SUDS3: variants seen among roughly 807,000 people sequenced by gnomAD.
The protein encoded by SUDS3 is SIN3A corepressor complex component SDS3.
SUDS3 carries 23 observed loss-of-function variants against 53.5 expected under a neutral mutation model. That is an observed-to-expected ratio of 0.43 (90% CI 0.31 to 0.61). SUDS3 has a LOEUF of 0.61. Among genes scored for constraint, SUDS3 ranks in the 20% least tolerant of loss-of-function variants. The probability of loss-of-function intolerance (pLI) is 0.10; values close to 1 mark genes in which losing one functional copy is unlikely to be tolerated. For synonymous variants in SUDS3, 150 were observed against 148.5 expected (o/e 1.01, Z -0.08); for missense variants, 291 against 405.9 (o/e 0.72, Z 2.43).
chr12:118,409,299 A>G (rs555965014), intron 10 of SUDS3, among the ~76,000 whole-genome samples: 1 of 151,982 alleles, frequency 6.6e-6, no homozygotes, highest in Admixed American at 6.6e-5. Context: ...GGAGCCTGCC[A>G]CCACTCCCGG....
At chr12:118,409,960 A>T (rs1055924588) in intron 10 of SUDS3, among the ~76,000 whole-genome samples, 1 of 152,250 alleles carries the variant, frequency 6.6e-6, no homozygotes, top group Non-Finnish European at 1.5e-5. Flanking sequence ...TAGATGCAGG[A>T]GTTGAAAGGG....
At chr12:118,411,046 TA>T (rs1162107871) in intron 10 of SUDS3, 26 bp from the exon 11 acceptor site, 1 of 1,582,326 alleles carries the variant, frequency 6.3e-7, no homozygotes, top group Admixed American at 1.8e-5. Context: ...CCTCCCTTTT[TA>T]AAAATGTGTG....
chr12:118,399,774 G>A (rs978607058), intron 6 of SUDS3, among the ~76,000 whole-genome samples: 30 of 152,076 alleles, frequency 2.0e-4, no homozygotes, highest in African/African-American at 7.3e-4. Flanking sequence ...CTGAGATACA[G>A]GAAAAGAAGC....
chr12:118,390,413 G>A (rs571775277), intron 5 of SUDS3, among the ~76,000 whole-genome samples: 1 of 152,322 alleles, frequency 6.6e-6, no homozygotes, highest in South Asian at 2.1e-4. Flanking sequence ...AGAGATGAGG[G>A]CCTGAATCTT....
chr12:118,414,439 T>TAC lies in SUDS3; in HGVS notation c.*8_*9dup, dbSNP rs769095751. The TAC allele has an allele frequency of 6.4e-7, 1 of 1,573,460 alleles. No individual in the cohort carries two copies. Among genetic ancestry groups the TAC allele is most frequent in the Non-Finnish European group, 8.6e-7 (1 of 1,160,890 alleles). ...GCCGGCGCTCAGCTGCTTGACTTTC[T>TAC]ACAGTGCTCTTCTCTTGACCCTTTT... On this transcript the variant is annotated 3_prime_UTR_variant, in exon 12 of 12. Transcript: ENST00000543473.
chr12:118,383,310 G>A (rs1478220640), intron 2 of SUDS3, among the ~76,000 whole-genome samples: 1 of 152,302 alleles, frequency 6.6e-6, no homozygotes, highest in East Asian at 1.9e-4. Flanking sequence ...AAAAATACTT[G>A]CTGAAATGTG....
intron 6 of SUDS3, among the ~76,000 whole-genome samples, chr12:118,392,399 A>T (rs2046175546): frequency 6.6e-6 from 1 of 152,176 alleles, no homozygotes; most frequent in South Asian, 2.1e-4. Flanking sequence ...GATACACTTA[A>T]GAGAATGTGG....
At chr12:118,395,461 C>T (rs1454869878) in intron 6 of SUDS3, among the ~76,000 whole-genome samples, 2 of 151,282 alleles carry the variant, frequency 1.3e-5, no homozygotes, top group Admixed American at 6.6e-5. Flanking sequence ...CTCCTGACCT[C>T]GTGATCTGCC....
intron 10 of SUDS3, among the ~76,000 whole-genome samples, chr12:118,409,020 C>A (rs557763649): frequency 3.9e-5 from 6 of 152,110 alleles, no homozygotes; most frequent in Admixed American, 3.9e-4. Context: ...TTGTACAGTT[C>A]GGCCCTTGTG....
At chr12:118,377,865 A>G (rs1198723734) in intron 1 of SUDS3, among the ~76,000 whole-genome samples, 1 of 152,204 alleles carries the variant, frequency 6.6e-6, no homozygotes, top group East Asian at 1.9e-4. Context: ...AGTGCCAAGT[A>G]ATGTGGCTGA....
At chr12:118,385,669 A>G (rs2046108774) in intron 3 of SUDS3, among the ~76,000 whole-genome samples, 1 of 152,200 alleles carries the variant, frequency 6.6e-6, no homozygotes. Context: ...CACTAGCTAC[A>G]TTTCAAGTGC....
chr12:118,401,122 T>C (rs2046259287), intron 7 of SUDS3, among the ~76,000 whole-genome samples: 1 of 152,264 alleles, frequency 6.6e-6, no homozygotes, highest in Non-Finnish European at 1.5e-5. Flanking sequence ...CAGTAATATC[T>C]ACCTTTATGT....
intron 11 of SUDS3, among the ~76,000 whole-genome samples, chr12:118,413,924 A>C (rs529647882): frequency 6.6e-6 from 1 of 152,332 alleles, no homozygotes; most frequent in South Asian, 2.1e-4. Flanking sequence ...TTTGTATAAT[A>C]TGGAAGTCCC....
chr12:118,398,224 C>T (rs1008816830), intron 6 of SUDS3, among the ~76,000 whole-genome samples: 1 of 152,170 alleles, frequency 6.6e-6, no homozygotes, highest in Non-Finnish European at 1.5e-5. Flanking sequence ...GTAACCCTCA[C>T]GGCGCACTGT....
intron 8 of SUDS3, 33 bp downstream of exon 8, chr12:118,401,853 C>G: frequency 1.2e-6 from 2 of 1,609,370 alleles, no homozygotes; most frequent in Non-Finnish European, 1.7e-6. Context: ...TATTTGAAAA[C>G]TCAGGCTTTT....
At chr12:118,383,549 G>A (rs541115358) in intron 2 of SUDS3, among the ~76,000 whole-genome samples, 1 of 152,054 alleles carries the variant, frequency 6.6e-6, no homozygotes, top group African/African-American at 2.4e-5. Context: ...TGACATGAAG[G>A]TTTATTGACT....
At chr12:118,390,182 G>A (rs1222338584) in intron 5 of SUDS3, among the ~76,000 whole-genome samples, 1 of 152,178 alleles carries the variant, frequency 6.6e-6, no homozygotes, top group Admixed American at 6.5e-5. Flanking sequence ...ACTGCTTATT[G>A]ACTTCTATCC....
At position 118,417,232 on chromosome 12, in the gene SUDS3, T is replaced by C. The variant is rs1268317155; in HGVS notation, c.*2799T>C. On this transcript the variant is annotated 3_prime_UTR_variant, in exon 12 of 12. Coordinates refer to ENST00000543473, the MANE Select transcript of SUDS3 (RefSeq NM_022491.3). The stretch of plus-strand genomic sequence containing the variant: ...TTAATTTTTGTTTTTGAACTTCTAA[T>C]TGGGGCCAGTGTAAGGTCGATCCCA... The C allele has an allele frequency of 2.0e-5, 3 of 152,190 alleles. No homozygotes were observed. Among genetic ancestry groups the C allele is most frequent in the East Asian group, 1.9e-4 (1 of 5,192 alleles). 9.4% of individuals were successfully genotyped at this position (152,190 alleles called of 1,614,324 possible).
intron 3 of SUDS3, among the ~76,000 whole-genome samples, chr12:118,384,301 C>G (rs1244169476): frequency 1.3e-5 from 2 of 152,176 alleles, no homozygotes; most frequent in Non-Finnish European, 2.9e-5. Context: ...AATGAAATCT[C>G]ACTTGGGACT....
Sources: gnomAD v4.1 joint callset for allele counts (sites outside exome capture counted in the v4.1 genomes callset) on GRCh38, gnomAD v4.1.1 for gene constraint, MANE v1.5 for transcripts, NCBI Gene and HGNC (gene_info 2026-07-23, HGNC 2026-07-21) for gene names.